GNB4: variants seen among roughly 807,000 people sequenced by gnomAD.
GNB4 encodes the protein G protein subunit beta 4, also known as guanine nucleotide-binding protein subunit beta-4.
Under a neutral mutation model 45.2 loss-of-function variants are expected in GNB4, and 28 were observed. The observed-to-expected ratio is 0.62, with a 90% CI of 0.46 to 0.85. The LOEUF (loss-of-function observed/expected upper bound fraction) is 0.85. GNB4 is among the 40% of genes least tolerant of loss of function. GNB4 has a pLI of 0.00. For missense variants in GNB4, 321 were observed against 425.4 expected, an observed-to-expected ratio of 0.75 and a Z score of 2.16; for synonymous variants, 132 against 143.7, an observed-to-expected ratio of 0.92 and a Z score of 0.58.
the GNB4 span, among the ~76,000 whole-genome samples, chr3:179,460,767 T>C: frequency 6.6e-6 from 1 of 152,098 alleles, no homozygotes; most frequent in East Asian, 1.9e-4. Flanking sequence ...GCCTCCCAAG[T>C]AGCTGGGATT....
chr3:179,415,806 GA>G (rs1277306264), intron 5 of GNB4, among the ~76,000 whole-genome samples: 2 of 152,074 alleles, frequency 1.3e-5, no homozygotes, highest in East Asian at 3.9e-4. Context: ...GATTAATAAA[GA>G]AAAACTATTA....
At chr3:179,454,637 A>G (rs913865445), upstream of GNB4, among the ~76,000 whole-genome samples, 6 of 152,228 alleles carry the variant, frequency 3.9e-5, no homozygotes, top group South Asian at 1.0e-3. Context: ...TACCCTAGAA[A>G]TGGTCTATAT....
At chr3:179,525,576 C>T in the GNB4 span, among the ~76,000 whole-genome samples, 120 of 152,240 alleles carry the variant, frequency 7.9e-4, no homozygotes, top group African/African-American at 2.7e-3. Flanking sequence ...AAGGAGGTGT[C>T]CCCGTGGTGA....
At chr3:179,515,936 G>A in the GNB4 span, among the ~76,000 whole-genome samples, 1 of 152,178 alleles carries the variant, frequency 6.6e-6, no homozygotes, top group Admixed American at 6.5e-5. Context: ...AATGGTTGGT[G>A]ATGGCCTGGA....
At chr3:179,503,015 A>C in the GNB4 span, among the ~76,000 whole-genome samples, 1 of 152,112 alleles carries the variant, frequency 6.6e-6, no homozygotes, top group Non-Finnish European at 1.5e-5. Flanking sequence ...ATTTCTTCTT[A>C]TTGTACAGAT....
chr3:179,519,520 T>A, the GNB4 span, among the ~76,000 whole-genome samples: 1 of 152,090 alleles, frequency 6.6e-6, no homozygotes, highest in African/African-American at 2.4e-5. Flanking sequence ...TGGCCAGGCT[T>A]CTAAACCTCT....
the GNB4 span, among the ~76,000 whole-genome samples, chr3:179,458,854 G>T: frequency 6.6e-6 from 1 of 152,070 alleles, no homozygotes; most frequent in African/African-American, 2.4e-5. Context: ...TCTGAAAATA[G>T]ATATCAAAAC....
chr3:179,468,031 T>TTAAAAAAAAAAAAAAAAA, the GNB4 span, among the ~76,000 whole-genome samples: 3 of 67,312 alleles, frequency 4.5e-5, 1 homozygote, highest in African/African-American at 1.2e-4. Flanking sequence ...ATTTTGTTGA[T>TTAAAAAAAAAAAAAAAAA]AAAAATATAT....
the GNB4 span, among the ~76,000 whole-genome samples, chr3:179,478,133 G>A: frequency 1.3e-5 from 2 of 152,176 alleles, no homozygotes; most frequent in Admixed American, 6.6e-5. Flanking sequence ...GTGAGAGACA[G>A]AGAGGACCAA....
intron 1 of GNB4, among the ~76,000 whole-genome samples, chr3:179,436,056 A>T (rs1049224666): frequency 3.9e-5 from 6 of 152,238 alleles, no homozygotes; most frequent in Non-Finnish European, 5.9e-5. Flanking sequence ...CCAATCATGA[A>T]AGCTCATATA....
the GNB4 span, among the ~76,000 whole-genome samples, chr3:179,466,451 G>A: frequency 6.6e-6 from 1 of 152,196 alleles, no homozygotes; most frequent in Non-Finnish European, 1.5e-5. Context: ...GCTTGAGGCA[G>A]AAAGAGAAAG....
In GNB4 at chr3:179,405,397, T is replaced by G. The variant is rs758131126; in HGVS notation, c.709A>C (p.Asn237His). ...SDINAVSFFP[N>H]GYAFATGSDD... ...GAGCCAGTGGCGAAGGCATATCCAT[T>G]TGGGAAAAACTAGACAGGAAAGTAA... The change falls in exon 9 of 10, where the codon AAT becomes CAT. Residue 237 changes from asparagine (N) to histidine (H), a missense_variant. Transcript: ENST00000232564. 4 of 1,608,784 alleles carry G rather than the reference T, an allele frequency of 2.5e-6. No individual in the cohort carries two copies. The highest frequency in any genetic ancestry group is 3.4e-6 in the Non-Finnish European group (4 of 1,176,584).
intron 9 of GNB4, among the ~76,000 whole-genome samples, chr3:179,402,229 A>C (rs1714325269): frequency 6.6e-6 from 1 of 152,236 alleles, no homozygotes; most frequent in Admixed American, 6.5e-5. Flanking sequence ...ATGAATTAGC[A>C]ATTCACAAGT....
chr3:179,402,059 G>C (rs1577023621), intron 9 of GNB4, among the ~76,000 whole-genome samples: 1 of 152,100 alleles, frequency 6.6e-6, no homozygotes, highest in South Asian at 2.1e-4. Flanking sequence ...TATCATTTTC[G>C]ATCAATCAGG....
the GNB4 span, among the ~76,000 whole-genome samples, chr3:179,461,678 T>C: frequency 6.6e-6 from 1 of 152,236 alleles, no homozygotes; most frequent in Non-Finnish European, 1.5e-5. Flanking sequence ...GATTGTCTAA[T>C]AAATCTATCC....
At chr3:179,483,605 G>C in the GNB4 span, among the ~76,000 whole-genome samples, 4 of 152,132 alleles carry the variant, frequency 2.6e-5, no homozygotes, top group African/African-American at 4.8e-5. Context: ...AGATTTACTT[G>C]ATGAAGCAAT....
chr3:179,527,448 A>T, the GNB4 span, among the ~76,000 whole-genome samples: 3 of 152,198 alleles, frequency 2.0e-5, no homozygotes. Context: ...GCTTTCTTAA[A>T]TAATAATGAT....
chr3:179,466,328 T>G, the GNB4 span, among the ~76,000 whole-genome samples: 1 of 152,108 alleles, frequency 6.6e-6, no homozygotes, highest in African/African-American at 2.4e-5. Context: ...CAGTCTTATA[T>G]CCCAACAGGT....
chr3:179,464,396 C>A, the GNB4 span: 1 of 1,211,726 alleles, frequency 8.3e-7, no homozygotes, highest in African/African-American at 1.5e-5. Context: ...TGCTGCAGCC[C>A]GTGCACAGCT....
Sources: gnomAD v4.1 joint callset for allele counts (sites outside exome capture counted in the v4.1 genomes callset) on GRCh38, gnomAD v4.1.1 for gene constraint, MANE v1.5 for transcripts, NCBI Gene and HGNC (gene_info 2026-07-23, HGNC 2026-07-21) for gene names.